RNF216: variants seen among roughly 807,000 people sequenced by gnomAD.
RNF216 encodes E3 ubiquitin-protein ligase RNF216.
In RNF216, 72 loss-of-function variants were observed where a neutral mutation model predicts 110.8. The observed-to-expected ratio is 0.65, with a 90% CI of 0.54 to 0.79. The LOEUF (loss-of-function observed/expected upper bound fraction) is 0.79. RNF216 is among the 30% of genes least tolerant of loss of function. RNF216 has a pLI of 0.00. For missense variants in RNF216, 1,342 were observed against 1,141.2 expected, an observed-to-expected ratio of 1.18 and a Z score of -2.54; for synonymous variants, 495 against 407.5, an observed-to-expected ratio of 1.21 and a Z score of -2.59.
chr7:5,777,926 A>G (rs1217223040), intron 1 of RNF216, among the ~76,000 whole-genome samples: 1 of 152,174 alleles, frequency 6.6e-6, no homozygotes, highest in African/African-American at 2.4e-5. Context: ...AGAAACTAGG[A>G]CAGATAAGTA....
Position 5,741,396 on chromosome 7 carries a change from C to T in RNF216, c.621G>A (p.Glu207=). The T allele has an allele frequency of 6.2e-7, 1 of 1,614,212 alleles. No individual in the cohort carries two copies. The highest frequency in any genetic ancestry group is 8.5e-7 in the Non-Finnish European group (1 of 1,180,030). ...CTGACTCTCCTAGATTTGATAACAG[C>T]TCTGTCTCTGAGTCTTCGGATGACT... ...QNQSSEDSET[E]LLSNLGESAA... The change falls in exon 4 of 17, where the codon GAG becomes GAA. Residue 207 remains glutamate (E), a synonymous_variant. Coordinates refer to ENST00000389902, the MANE Select transcript of RNF216 (RefSeq NM_207111.4).
chr7:5,769,121 CTTTTTT>C (rs68129648), intron 1 of RNF216, among the ~76,000 whole-genome samples: 1 of 128,602 alleles, frequency 7.8e-6, no homozygotes. Context: ...TTCCAAATGC[CTTTTTT>C]TTTTTTTTTT....
chr7:5,661,801 CAAACAA>C (rs996717150), intron 13 of RNF216, among the ~76,000 whole-genome samples: 2 of 151,958 alleles, frequency 1.3e-5, no homozygotes, highest in African/African-American at 4.8e-5. Context: ...AGACTCTGCT[CAAACAA>C]AAACAAAAAC....
chr7:5,673,778 G>A (rs1051329812), intron 13 of RNF216, among the ~76,000 whole-genome samples: 1 of 151,992 alleles, frequency 6.6e-6, no homozygotes, highest in African/African-American at 2.4e-5. Context: ...TTGGGAGGCT[G>A]AGGCAGGAGG....
At chr7:5,765,256 G>C (rs1407911673) in intron 1 of RNF216, among the ~76,000 whole-genome samples, 1 of 151,866 alleles carries the variant, frequency 6.6e-6, no homozygotes, top group Admixed American at 6.6e-5. Context: ...AAGGTCAGGA[G>C]TTGAGACCAG....
chr7:5,740,860 T>C (rs937142360), intron 4 of RNF216, 113 bp downstream of exon 4: 1 of 949,886 alleles, frequency 1.1e-6, no homozygotes, highest in East Asian at 2.6e-5. Flanking sequence ...ATATACTTCT[T>C]AGGAAAATGA....
intron 5 of RNF216, among the ~76,000 whole-genome samples, chr7:5,733,359 G>A (rs1429661644): frequency 2.6e-5 from 4 of 152,200 alleles, no homozygotes; most frequent in Non-Finnish European, 2.9e-5. Context: ...ATAAGTACAC[G>A]TGTGAGACTC....
chr7:5,664,018 C>A (rs1052393106), intron 13 of RNF216, among the ~76,000 whole-genome samples: 1 of 152,166 alleles, frequency 6.6e-6, no homozygotes, highest in Non-Finnish European at 1.5e-5. Flanking sequence ...CCTGGAGGGG[C>A]TCGTAATCAA....
At chr7:5,642,217 GTT>G (rs554389334) in intron 14 of RNF216, among the ~76,000 whole-genome samples, 3 of 140,996 alleles carry the variant, frequency 2.1e-5, no homozygotes, top group Non-Finnish European at 1.6e-5. Context: ...GTTCTGTTTT[GTT>G]TTTTTTTTTT....
intron 2 of RNF216, among the ~76,000 whole-genome samples, chr7:5,753,374 T>G (rs1795434639): frequency 6.6e-6 from 1 of 152,160 alleles, no homozygotes; most frequent in Admixed American, 6.6e-5. Flanking sequence ...AAATTATCAT[T>G]CAAAAAATAG....
rs1255637487 is a variant in RNF216, at chr7:5,696,509, G to A, written c.2061+15252C>T. Among the ~76,000 whole-genome samples the A allele has an allele frequency of 2.0e-5, 3 of 152,102 alleles. No homozygotes were observed. The East Asian group carries it at 5.8e-4, about 29-fold the overall frequency. On this transcript the variant is annotated intron_variant, in intron 13 of 16. Transcript: ENST00000389902. The surrounding 1 kb of genome is among the most constrained non-coding windows in gnomAD (Gnocchi z 5.4). ...CAACTGCCCAATGATCTACTCCAGG[G>A]CACCCACACACACCACAGGAAGGAG... is the stretch of plus-strand genomic sequence containing the variant.
Position 5,652,430 on chromosome 7 carries a change from G to C in RNF216, c.2142C>G (p.Ile714Met), listed in dbSNP as rs1466467556. The change falls in exon 14 of 17, where the codon ATC becomes ATG. Residue 714 changes from isoleucine to methionine, a missense_variant. By Grantham distance (10) the Ile-to-Met change is conservative. Coordinates refer to ENST00000389902, the MANE Select transcript of RNF216 (RefSeq NM_207111.4). Reference protein sequence around the residue: ...TCEELAEKDDIKYRTSIEEKM... With the variant: ...TCEELAEKDDMKYRTSIEEKM... ...TTACTCACATAGAGGTACGGTACTTGATGTCGTCTTTTTCAGCCAGCTCTT... is the reference window on the plus strand; with the variant it reads ...TTACTCACATAGAGGTACGGTACTTCATGTCGTCTTTTTCAGCCAGCTCTT... 6.2e-7 allele frequency: 1 copy of C among 1,612,026 alleles called. No homozygotes were observed. Among genetic ancestry groups the C allele is most frequent in the Non-Finnish European group, 8.5e-7 (1 of 1,178,270 alleles).
At chr7:5,707,606 C>T (rs1315282411) in intron 13 of RNF216, among the ~76,000 whole-genome samples, 2 of 151,496 alleles carry the variant, frequency 1.3e-5, no homozygotes, top group Non-Finnish European at 2.9e-5. Context: ...TTTTTCCTGC[C>T]AAATAGCTCT....
At chr7:5,714,510 G>A (rs907973977) in intron 11 of RNF216, among the ~76,000 whole-genome samples, 7 of 147,036 alleles carry the variant, frequency 4.8e-5, no homozygotes, top group African/African-American at 1.0e-4. Context: ...CGCCTACCTC[G>A]GCCTCCCAAA....
At chr7:5,732,198 G>A (rs1043346059) in intron 5 of RNF216, among the ~76,000 whole-genome samples, 5 of 152,130 alleles carry the variant, frequency 3.3e-5, no homozygotes, top group African/African-American at 4.8e-5. Flanking sequence ...CTCCATCCTA[G>A]AATTCACTGG....
chr7:5,715,127 A>T lies in RNF216; in HGVS notation c.1759T>A (p.Cys587Ser). ...TTGCAGAACAAGTGAGCATCTGCGC[A>T]CTGCGTCAGCTCCTCGAATGGAAAT... ...GEFPFEELTQ[C>S]ADAHLFCKEC... is the part of the protein sequence containing the mutation. The change falls in exon 11 of 17, where the codon TGC becomes AGC. Residue 587 changes from cysteine to serine, a missense_variant. Physicochemically the swap from Cys to Ser is moderately radical, Grantham distance 112 (BLOSUM62 -1). Transcript: ENST00000389902. 1 of 1,613,968 alleles carries T rather than the reference A, an allele frequency of 6.2e-7. No homozygotes were observed. The highest frequency in any genetic ancestry group is 8.5e-7 in the Non-Finnish European group (1 of 1,179,994).
chr7:5,720,491 C>T (rs1793350273), intron 9 of RNF216, among the ~76,000 whole-genome samples: 1 of 152,146 alleles, frequency 6.6e-6, no homozygotes. Context: ...GTAGGCTGTT[C>T]ACAGTGAAGT....
In RNF216 at chr7:5,631,800, A is replaced by G. The variant is rs75177193; in HGVS notation, c.2383-7675T>C. ...AGAGATCAATCCTGGGAACATTCTG[A>G]TATCTTTTCCATTGGCTGCTTTTAT... On this transcript the variant is annotated intron_variant, in intron 15 of 16. Coordinates refer to ENST00000389902, the MANE Select transcript of RNF216 (RefSeq NM_207111.4). 1.1e-4 allele frequency among the ~76,000 whole-genome samples: 17 copies of G among 152,274 alleles called. No homozygotes were observed. In the Middle Eastern group the frequency reaches 0.01, roughly 91 times the overall value.
At chr7:5,639,790 C>T (rs112872077) in intron 15 of RNF216, among the ~76,000 whole-genome samples, 9,110 of 150,062 alleles carry the variant, frequency 0.061, 924 homozygotes, top group African/African-American at 0.21. Flanking sequence ...GACGGAGTCT[C>T]GCTCTGTCGC....
Sources: gnomAD v4.1 joint callset for allele counts (sites outside exome capture counted in the v4.1 genomes callset) on GRCh38, gnomAD v4.1.1 for gene constraint, Gnocchi (gnomAD v3.1) non-coding constraint, MANE v1.5 for transcripts, NCBI Gene and HGNC (gene_info 2026-07-23, HGNC 2026-07-21) for gene names.